DIP2C: variants seen among roughly 807,000 people sequenced by gnomAD.
DIP2C encodes the protein disco-interacting protein 2 homolog C.
A neutral mutation model predicts 192.4 loss-of-function variants in DIP2C; 33 were observed. That is an observed-to-expected ratio of 0.17 (90% CI 0.13 to 0.23). The LOEUF (loss-of-function observed/expected upper bound fraction) is 0.23, where lower values mean the gene tolerates loss of function less well. Among genes scored for constraint, DIP2C ranks in the 10% least tolerant of loss-of-function variants. The probability of loss-of-function intolerance (pLI) is 1.00; values close to 1 mark genes in which losing one functional copy is unlikely to be tolerated. For synonymous variants in DIP2C, 979 were observed against 864.1 expected, an observed-to-expected ratio of 1.13 and a Z score of -2.33; for missense variants, 1,537 against 2,110.1, an observed-to-expected ratio of 0.73 and a Z score of 5.32.
intron 1 of DIP2C, among the ~76,000 whole-genome samples, chr10:510,715 T>G (rs1845954651): frequency 6.6e-6 from 1 of 152,220 alleles, no homozygotes. Context: ...GCTGACTGCA[T>G]CTCACTGTGA....
chr10:471,236 T>C (rs1970600891), intron 3 of DIP2C, among the ~76,000 whole-genome samples: 1 of 152,122 alleles, frequency 6.6e-6, no homozygotes, highest in Non-Finnish European at 1.5e-5. Flanking sequence ...AGGTGTGTCC[T>C]CTTTTGCATG....
rs116011566 is a variant in DIP2C, at chr10:441,316, C to T, written c.269-320G>A. On this transcript the variant is annotated intron_variant, in intron 3 of 36. Coordinates refer to ENST00000280886, the MANE Select transcript of DIP2C (RefSeq NM_014974.3). Reference sequence around the variant, plus strand: ...CTCTTTGTAGGTCACACGTTCGAGCCTCCAAATCCTTTCACTGTACTGCTG... The same window carrying T: ...CTCTTTGTAGGTCACACGTTCGAGCTTCCAAATCCTTTCACTGTACTGCTG... 289 of 285,356 alleles carry T rather than the reference C, an allele frequency of 1.0e-3. 3 individuals carry two copies. The highest frequency in any genetic ancestry group is 5.8e-3 in the African/African-American group (266 of 45,736). 17.7% of individuals were successfully genotyped at this position (285,356 alleles called of 1,614,324 possible). A position where few individuals can be genotyped will look rare whatever the true frequency, so the allele number is the denominator to read the frequency against.
chr10:536,889 A>G (rs186129498), intron 1 of DIP2C, among the ~76,000 whole-genome samples: 155 of 152,312 alleles, frequency 1.0e-3, no homozygotes, highest in African/African-American at 3.6e-3. Flanking sequence ...GAGTATCTCA[A>G]AGTTAACACA....
At position 417,637 on chromosome 10, in the gene DIP2C, G is replaced by GCTCAA. The variant is rs1564684468; in HGVS notation, c.739+1427_739+1428insTTGAG. 6.0e-3 allele frequency among the ~76,000 whole-genome samples: 48 copies of GCTCAA among 7,956 alleles called. 1 individual carries two copies. Among genetic ancestry groups the GCTCAA allele is most frequent in the Admixed American group, 0.013 (8 of 630 alleles). 5.2% of individuals were successfully genotyped at this position (7,956 alleles called of 152,430 possible). On this transcript the variant is annotated intron_variant, in intron 6 of 36. Coordinates refer to ENST00000280886, the MANE Select transcript of DIP2C (RefSeq NM_014974.3). ...GTCTGCCTGCGCCTGTCAGGGCTCG[G>GCTCAA]ATAGGCCTCCCTGTCCACCTGTTCC...
intron 36 of DIP2C, 56 bp from the exon 37 acceptor site, chr10:277,633 G>A: frequency 6.3e-7 from 1 of 1,588,772 alleles, no homozygotes; most frequent in Non-Finnish European, 8.6e-7. Context: ...TTATTTAATA[G>A]CCGTGGTTTC....
At chr10:411,258 G>A (rs187480316) in intron 8 of DIP2C, among the ~76,000 whole-genome samples, 1 of 152,252 alleles carries the variant, frequency 6.6e-6, no homozygotes, top group Admixed American at 6.5e-5. Flanking sequence ...TGAACGTATA[G>A]GTCTCTCCAG....
chr10:496,065 A>G (rs1844805668), intron 1 of DIP2C, among the ~76,000 whole-genome samples: 1 of 149,630 alleles, frequency 6.7e-6, no homozygotes, highest in African/African-American at 2.5e-5. Context: ...ACCCCAAACA[A>G]CTTGAGTGCT....
intron 3 of DIP2C, among the ~76,000 whole-genome samples, chr10:469,833 G>A (rs1006342923): frequency 2.0e-5 from 3 of 152,110 alleles, no homozygotes; most frequent in Non-Finnish European, 2.9e-5. Context: ...TAACCCAGCC[G>A]CTCCTACCTA....
At chr10:438,344 G>A (rs145729655) in intron 4 of DIP2C, among the ~76,000 whole-genome samples, 102 of 152,162 alleles carry the variant, frequency 6.7e-4, no homozygotes, top group African/African-American at 2.3e-3. Context: ...TTAAATAACC[G>A]GTTAGTGCCA....
chr10:567,105 G>A (rs1022230242), intron 1 of DIP2C, among the ~76,000 whole-genome samples: 3 of 152,180 alleles, frequency 2.0e-5, no homozygotes, highest in African/African-American at 7.2e-5. Flanking sequence ...GGAATTACAC[G>A]TATCCAGGGC....
Position 277,156 on chromosome 10 carries a change from T to C in DIP2C, c.*169A>G. 3 of 959,952 alleles carry C rather than the reference T, an allele frequency of 3.1e-6. No homozygotes were observed. The highest frequency in any genetic ancestry group is 4.5e-6 in the Non-Finnish European group (3 of 665,670). The allele number at this position is 959,952 out of a possible 1,614,324, so 59.5% of individuals were successfully genotyped here. On this transcript the variant is annotated 3_prime_UTR_variant, in exon 37 of 37. Transcript: ENST00000280886. ...GTGGTAAATTCACATTTCACCCCCA[T>C]GCCAATCGTGGCTGCTGTGAGAAGT...
intron 1 of DIP2C, among the ~76,000 whole-genome samples, chr10:499,110 A>G (rs1845051005): frequency 1.3e-5 from 2 of 152,168 alleles, no homozygotes; most frequent in Admixed American, 1.3e-4. Context: ...GGGCTGCTCA[A>G]TGAGAACAGT....
chr10:562,501 G>A (rs1032051939), intron 1 of DIP2C, among the ~76,000 whole-genome samples: 2 of 152,152 alleles, frequency 1.3e-5, no homozygotes, highest in African/African-American at 2.4e-5. Flanking sequence ...GAATCTCTAC[G>A]AAATAGACGA....
rs147479455 is a variant in DIP2C at position 506,703 on chromosome 10, G to A, written c.86-20173C>T. On this transcript the variant is annotated intron_variant, in intron 1 of 36. Transcript: ENST00000280886. ...ATCCCCCAACACACAGTGGCCTCCCGGGACAACATTCTATTTGCCGGCCAC... is the reference window on the plus strand; with the variant it reads ...ATCCCCCAACACACAGTGGCCTCCCAGGACAACATTCTATTTGCCGGCCAC... Among the ~76,000 whole-genome samples the A allele has an allele frequency of 8.1e-4, 123 of 152,300 alleles. 6 individuals carry two copies. In the East Asian group the frequency reaches 0.014, roughly 17 times the overall value.
intron 36 of DIP2C, among the ~76,000 whole-genome samples, chr10:280,728 G>A (rs1357261859): frequency 6.6e-6 from 1 of 152,246 alleles, no homozygotes; most frequent in African/African-American, 2.4e-5. Context: ...CCTTGTCACT[G>A]TCAGCCTTAA....
At chr10:290,732 G>C (rs1235578569) in intron 32 of DIP2C, among the ~76,000 whole-genome samples, 1 of 152,236 alleles carries the variant, frequency 6.6e-6, no homozygotes, top group Non-Finnish European at 1.5e-5. Flanking sequence ...GAGGGGGTCA[G>C]AGGCCCCCAC....
chr10:493,221 A>C (rs1413690037), intron 1 of DIP2C, among the ~76,000 whole-genome samples: 1 of 152,182 alleles, frequency 6.6e-6, no homozygotes, highest in Non-Finnish European at 1.5e-5. Context: ...ACTTGCTAAA[A>C]ACTCTTCAGG....
chr10:489,019 C>T (rs879016446), intron 1 of DIP2C, among the ~76,000 whole-genome samples: 3 of 152,020 alleles, frequency 2.0e-5, no homozygotes, highest in African/African-American at 2.4e-5. Context: ...TACTGGGGGG[C>T]GGGCAAAGGG....
chr10:317,616 C>T (rs1169962801), intron 31 of DIP2C, among the ~76,000 whole-genome samples: 2 of 152,212 alleles, frequency 1.3e-5, no homozygotes, highest in African/African-American at 4.8e-5. Flanking sequence ...TGTTCTGTGA[C>T]TGCGATAGAG....
Sources: gnomAD v4.1 joint callset for allele counts (sites outside exome capture counted in the v4.1 genomes callset) on GRCh38, gnomAD v4.1.1 for gene constraint, MANE v1.5 for transcripts, NCBI Gene and HGNC (gene_info 2026-07-23, HGNC 2026-07-21) for gene names.